ZNF462: variants seen among roughly 807,000 people sequenced by gnomAD.
ZNF462 encodes the protein zinc finger PBX1-interacting protein.
Under a neutral mutation model 201.9 loss-of-function variants are expected in ZNF462, and 10 were observed. That is an observed-to-expected ratio of 0.05 (90% confidence interval 0.03 to 0.08). The LOEUF is 0.08. ZNF462 is among the 10% of genes least tolerant of loss of function. The pLI, the probability that ZNF462 is intolerant of heterozygous loss-of-function variation, is 1.00. For missense variants in ZNF462, 2,523 were observed against 3,168.3 expected (o/e 0.80, Z 4.89); for synonymous variants, 1,227 against 1,193.3 (o/e 1.03, Z -0.58).
At chr9:106,934,294 A>G (rs1376709204) in intron 5 of ZNF462, among the ~76,000 whole-genome samples, 3 of 141,388 alleles carry the variant, frequency 2.1e-5, no homozygotes, top group East Asian at 4.0e-4. Flanking sequence ...TGCTCTTGAG[A>G]TGAAAAAAAA....
rs1322557429 is a variant in ZNF462 at position 106,917,340 on chromosome 9, C to G, written c.-30-6014C>G. On this transcript the variant is annotated intron_variant, in intron 1 of 12. Transcript: ENST00000277225. The surrounding 1 kb of genome is among the most constrained non-coding windows in gnomAD (Gnocchi z 4.5). ...AGAGCGATCCTAAAATAAAAAGTAACCTGAAGGCTAGCATCCTTGGCCAGT... is the reference window on the plus strand; with the variant it reads ...AGAGCGATCCTAAAATAAAAAGTAAGCTGAAGGCTAGCATCCTTGGCCAGT... Among the ~76,000 whole-genome samples, 1 of 152,136 alleles carries G rather than the reference C, an allele frequency of 6.6e-6. No individual in the cohort carries two copies. The highest frequency in any genetic ancestry group is 1.5e-5 in the Non-Finnish European group (1 of 68,022).
At chr9:106,951,728 A>G (rs1831357038) in intron 7 of ZNF462, among the ~76,000 whole-genome samples, 1 of 152,148 alleles carries the variant, frequency 6.6e-6, no homozygotes, top group African/African-American at 2.4e-5. Flanking sequence ...TGAGGGTACC[A>G]TAAGCCTGTC....
Position 106,927,741 on chromosome 9 carries a change from T to G in ZNF462, c.3829T>G (p.Phe1277Val). The G allele has an allele frequency of 2.5e-6, 4 of 1,614,072 alleles. No individual in the cohort carries two copies. The highest frequency in any genetic ancestry group is 3.4e-6 in the Non-Finnish European group (4 of 1,180,016). ...GCAGTGCTCATATACCTCCCCCTACTTCTATGCACTGAGGAAGCATATCAA... is the reference window on the plus strand; with the variant it reads ...GCAGTGCTCATATACCTCCCCCTACGTCTATGCACTGAGGAAGCATATCAA... ...CRQCSYTSPYFYALRKHIKKD... is the reference protein window; with the variant it reads ...CRQCSYTSPYVYALRKHIKKD... Residue 1277 changes from phenylalanine to valine, a missense_variant, in exon 3 of 13, where the codon TTC becomes GTC. By Grantham distance (50) the Phe-to-Val change is conservative. Around this residue, in one of 15 missense-constraint regions of ZNF462, gnomAD observed 222 missense variants for 271.6 expected, o/e 0.82. Coordinates refer to ENST00000277225, the MANE Select transcript of ZNF462 (RefSeq NM_021224.6).
intron 11 of ZNF462, among the ~76,000 whole-genome samples, chr9:107,007,507 C>T (rs994421180): frequency 1.3e-5 from 2 of 152,194 alleles, no homozygotes; most frequent in Non-Finnish European, 2.9e-5. Flanking sequence ...GTATTCCTCT[C>T]AGAGGGTGGG....
chr9:106,947,301 T>TC (rs1325780735), intron 7 of ZNF462, among the ~76,000 whole-genome samples: 1 of 152,180 alleles, frequency 6.6e-6, no homozygotes, highest in East Asian at 1.9e-4. Context: ...TTCTTCAGCT[T>TC]CCATGGGGAC....
In ZNF462 at chr9:106,935,432, A is replaced by G; in HGVS notation, c.6117-71A>G. On this transcript the variant is annotated intron_variant, in intron 5 of 12. Transcript: ENST00000277225. This position sits in a 1 kb window ranked among gnomAD's most constrained non-coding sequence, Gnocchi z 4.1. ...CCTAGAAGTAGGATTCCTGGAAAAA[A>G]AGCAATGAGCAAATCCTCTATGCAA... 1 of 1,381,386 alleles carries G rather than the reference A, an allele frequency of 7.2e-7. No individual in the cohort carries two copies. Among genetic ancestry groups the G allele is most frequent in the Non-Finnish European group, 1.0e-6 (1 of 975,594 alleles). 85.6% of individuals were successfully genotyped at this position (1,381,386 alleles called of 1,614,324 possible).
rs1264932579 is a variant in ZNF462 at position 106,919,332 on chromosome 9, C to T, written c.-30-4022C>T. Among the ~76,000 whole-genome samples the T allele has an allele frequency of 1.3e-5, 2 of 152,120 alleles. No homozygotes were observed. The highest frequency in any genetic ancestry group is 2.9e-5 in the Non-Finnish European group (2 of 68,024). ...CTGAGCAGTGAGTTGGAAGGATGGA[C>T]GATGAAGCTGTGGTTTGTCTCCTTC... On this transcript the variant is annotated intron_variant, in intron 1 of 12. Transcript: ENST00000277225. The surrounding 1 kb of genome is among the most constrained non-coding windows in gnomAD (Gnocchi z 4.5).
chr9:106,862,272 A>G (rs558319732), upstream of ZNF462, among the ~76,000 whole-genome samples: 2 of 152,162 alleles, frequency 1.3e-5, no homozygotes, highest in South Asian at 2.1e-4. The surrounding 1 kb of genome is among the most constrained non-coding windows in gnomAD (Gnocchi z 4.2). Flanking sequence ...TTCCCCACGT[A>G]TGTTCTTTGC....
Position 106,925,110 on chromosome 9 carries a change from G to T in ZNF462, c.1198G>T (p.Gly400Cys), listed in dbSNP as rs778518242. The part of the protein sequence containing the change: ...EELNEIDSEN[G>C]LSAMDHQTSG... The stretch of plus-strand genomic sequence containing the variant: ...GTTAAATGAAATAGACAGTGAGAAT[G>T]GTTTAAGTGCTATGGATCACCAGAC... Residue 400 changes from glycine to cysteine, a missense_variant, in exon 3 of 13, where the codon GGT (glycine) becomes TGT (cysteine). This residue lies in a region of ZNF462 where 480 missense variants were observed against 544.4 expected (regional missense o/e 0.88). Coordinates refer to ENST00000277225, the MANE Select transcript of ZNF462 (RefSeq NM_021224.6). This position sits in a 1 kb window ranked among gnomAD's most constrained non-coding sequence, Gnocchi z 7.9. 1 of 1,614,172 alleles carries T rather than the reference G, an allele frequency of 6.2e-7. No individual in the cohort carries two copies. The highest frequency in any genetic ancestry group is 8.5e-7 in the Non-Finnish European group (1 of 1,180,032).
At chr9:106,946,225 G>C (rs1588099761) in intron 7 of ZNF462, among the ~76,000 whole-genome samples, 1 of 152,158 alleles carries the variant, frequency 6.6e-6, no homozygotes, top group East Asian at 1.9e-4. Context: ...GAACTGCTTG[G>C]AGATTACTTC....
intron 7 of ZNF462, among the ~76,000 whole-genome samples, chr9:106,949,337 G>A (rs1488300729): frequency 6.6e-6 from 1 of 152,134 alleles, no homozygotes; most frequent in Non-Finnish European, 1.5e-5. Context: ...TTTTGAATTA[G>A]GACAGCAAAA....
At chr9:106,892,691 T>TGCAAACACACACGCACACACAC (rs1160130032) in intron 1 of ZNF462, among the ~76,000 whole-genome samples, 11 of 143,588 alleles carry the variant, frequency 7.7e-5, no homozygotes, top group African/African-American at 2.6e-4. Flanking sequence ...CACACACACA[T>TGCAAACACACACGCACACACAC]GCACACACAC....
chr9:106,908,033 C>T (rs1424223136), intron 1 of ZNF462, among the ~76,000 whole-genome samples: 1 of 151,420 alleles, frequency 6.6e-6, no homozygotes, highest in African/African-American at 2.4e-5. Context: ...TTTAACATAC[C>T]TTTATTTCAC....
chr9:106,949,478 A>ATCAT (rs1831248350), intron 7 of ZNF462, among the ~76,000 whole-genome samples: 1 of 152,196 alleles, frequency 6.6e-6, no homozygotes, highest in Admixed American at 6.5e-5. Context: ...CTTTTCATGC[A>ATCAT]TCATTCCCTT....
intron 7 of ZNF462, among the ~76,000 whole-genome samples, chr9:106,939,399 G>C (rs1250141675): frequency 2.0e-5 from 3 of 152,132 alleles, no homozygotes; most frequent in Non-Finnish European, 4.4e-5. Context: ...TTCCACTGTG[G>C]TTTCAAGCAA....
At chr9:106,946,666 A>C (rs2131711587) in intron 7 of ZNF462, among the ~76,000 whole-genome samples, 1 of 152,134 alleles carries the variant, frequency 6.6e-6, no homozygotes, top group African/African-American at 2.4e-5. Flanking sequence ...TAAAAAAATA[A>C]TTTTTTTAAA....
chr9:106,884,572 A>G (rs1828238936), intron 1 of ZNF462, among the ~76,000 whole-genome samples: 3 of 152,090 alleles, frequency 2.0e-5, no homozygotes, highest in South Asian at 4.2e-4. Context: ...TCCTCCCACC[A>G]TGGAGGCAGT....
chr9:106,868,204 A>C (rs1827431712), intron 1 of ZNF462, among the ~76,000 whole-genome samples: 1 of 152,230 alleles, frequency 6.6e-6, no homozygotes, highest in South Asian at 2.1e-4. Flanking sequence ...GAGAAAACAG[A>C]GAGGAGAGTA....
At chr9:106,900,273 C>T (rs1412000793) in intron 1 of ZNF462, among the ~76,000 whole-genome samples, 1 of 148,256 alleles carries the variant, frequency 6.7e-6, no homozygotes, top group Non-Finnish European at 1.5e-5. Context: ...TTTTTTAATC[C>T]ACTCGTTGAT....
Sources: gnomAD v4.1 joint callset for allele counts (sites outside exome capture counted in the v4.1 genomes callset) on GRCh38, gnomAD v4.1.1 for gene constraint, gnomAD v4.1.1 regional missense constraint, Gnocchi (gnomAD v3.1) non-coding constraint, MANE v1.5 for transcripts, NCBI Gene and HGNC (gene_info 2026-07-23, HGNC 2026-07-21) for gene names.